Variants in CDH11 observed in about 807,000 individuals in gnomAD.
The protein encoded by CDH11 is cadherin 11.
In CDH11, 11 loss-of-function variants were observed where a neutral mutation model predicts 67.8. That is an observed-to-expected ratio of 0.16 (90% CI 0.10 to 0.27). The LOEUF is 0.27. Among genes scored for constraint, CDH11 ranks in the 10% least tolerant of loss-of-function variants. The pLI, the probability that CDH11 is intolerant of heterozygous loss-of-function variation, is 1.00. For synonymous variants in CDH11, 419 were observed against 400.0 expected (o/e 1.05, Z -0.57); for missense variants, 847 against 1,031.2 (o/e 0.82, Z 2.45).
chr16:64,987,254 T>C (rs35201), intron 7 of CDH11: 109,432 of 152,016 alleles, frequency 0.72, 41,645 homozygotes, highest in East Asian at 1. Flanking sequence ...ATCTGGCTCT[T>C]CTTTACAAAC....
intron 1 of CDH11, among the ~76,000 whole-genome samples, chr16:65,109,181 A>T (rs1326382207): frequency 2.0e-5 from 3 of 152,064 alleles, no homozygotes; most frequent in African/African-American, 7.2e-5. Flanking sequence ...TGGCTCCAAG[A>T]GTTCTGTTCA....
intron 2 of CDH11, among the ~76,000 whole-genome samples, chr16:65,014,458 G>A (rs1014417000): frequency 2.0e-5 from 3 of 152,112 alleles, no homozygotes; most frequent in Middle Eastern, 3.4e-3. Context: ...CTTCAAAACC[G>A]AATGTACATT....
Position 64,945,318 on chromosome 16 carries a change from A to T in CDH11, c.*2285T>A. ...ATAAAAGGTAAAAAAAAAAAAAAAA[A>T]AGAAAAAGAAAAACAAGTATTCTTA... On this transcript the variant is annotated 3_prime_UTR_variant, in exon 13 of 13. Coordinates refer to ENST00000268603, the MANE Select transcript of CDH11 (RefSeq NM_001797.4). 6 of 419,316 alleles carry T rather than the reference A, an allele frequency of 1.4e-5. No homozygotes were observed. Among genetic ancestry groups the T allele is most frequent in the Non-Finnish European group, 1.8e-5 (6 of 325,892 alleles). The allele number at this position is 419,316 out of a possible 1,614,324, so 26.0% of individuals were successfully genotyped here.
intron 2 of CDH11, among the ~76,000 whole-genome samples, chr16:65,053,582 C>T (rs1443866588): frequency 1.3e-5 from 2 of 152,168 alleles, no homozygotes; most frequent in Non-Finnish European, 2.9e-5. Context: ...ATTACTAGCA[C>T]ATAATAGGTG....
rs747453456 is a variant in CDH11 at position 65,004,841 on chromosome 16, G to A, written c.29C>T (p.Ala10Val). ...GCACAGCATGCCCAGGCACACCAGG[G>A]CGGCTTGTAAACAGTAGTTCTCCTT... is the stretch of plus-strand genomic sequence containing the variant. MKENYCLQA[A>V]LVCLGMLCHS... The change falls in exon 3 of 13, where the codon GCC becomes GTC. Residue 10 changes from alanine to valine, a missense_variant. Physicochemically the swap from Ala to Val is moderately conservative, Grantham distance 64. This residue lies in a region of CDH11 where 235 missense variants were observed against 352.5 expected (regional missense o/e 0.67). Transcript: ENST00000268603. 1.4e-5 allele frequency: 22 copies of A among 1,562,642 alleles called. No homozygotes were observed. Among genetic ancestry groups the A allele is most frequent in the East Asian group, 2.4e-5 (1 of 41,712 alleles).
At chr16:64,972,117 G>C (rs1175960398) in intron 9 of CDH11, 53 bp from the exon 10 acceptor site, 23 of 1,536,006 alleles carry the variant, frequency 1.5e-5, no homozygotes, top group Non-Finnish European at 1.9e-5. Flanking sequence ...AATACACATT[G>C]GTCCAGGCAT....
At chr16:65,070,478 C>T (rs2074397056) in intron 1 of CDH11, among the ~76,000 whole-genome samples, 2 of 152,150 alleles carry the variant, frequency 1.3e-5, no homozygotes, top group South Asian at 2.1e-4. Context: ...GTTTCAGTCT[C>T]CACATCTGCA....
At chr16:65,067,856 A>AAGGGAGGGAGAAAGGAAGGG (rs2074342624) in intron 1 of CDH11, among the ~76,000 whole-genome samples, 1 of 131,334 alleles carries the variant, frequency 7.6e-6, no homozygotes, top group Non-Finnish European at 1.6e-5. Flanking sequence ...GAATTGGAGA[A>AAGGGAGGGAGAAAGGAAGGG]AGGGAGGGAG....
At chr16:65,047,916 G>T (rs2073990396) in intron 2 of CDH11, among the ~76,000 whole-genome samples, 1 of 152,068 alleles carries the variant, frequency 6.6e-6, no homozygotes, top group African/African-American at 2.4e-5. Flanking sequence ...TCCAGCAGAA[G>T]TCAGCCCCTC....
intron 12 of CDH11, 106 bp from the exon 13 acceptor site, chr16:64,948,205 G>T: frequency 7.1e-7 from 1 of 1,400,750 alleles, no homozygotes. Flanking sequence ...TAAATGCTCA[G>T]AACAGGAAAC....
At chr16:65,119,165 T>C (rs1404393227) in intron 1 of CDH11, 1 of 152,180 alleles carries the variant, frequency 6.6e-6, no homozygotes, top group Non-Finnish European at 1.5e-5. Context: ...TGTAATTCTA[T>C]TCAAAGGAGA....
Position 65,121,098 on chromosome 16 carries a change from C to G in CDH11, c.-298+782G>C, listed in dbSNP as rs1278329780. On this transcript the variant is annotated intron_variant, in intron 1 of 12. Coordinates refer to ENST00000268603, the MANE Select transcript of CDH11 (RefSeq NM_001797.4). The surrounding 1 kb of genome is among the most constrained non-coding windows in gnomAD (Gnocchi z 4.1). ...GGGAAGGTGTGGTTCTCAAAGTTAA[C>G]GTTGACCCTGGCAGCTTTCGCCAAT... 6.6e-6 allele frequency among the ~76,000 whole-genome samples: 1 copy of G among 152,078 alleles called. No individual in the cohort carries two copies. The highest frequency in any genetic ancestry group is 1.5e-5 in the Non-Finnish European group (1 of 68,010).
At position 64,987,442 on chromosome 16, in the gene CDH11, T is replaced by C. The variant is rs561854974; in HGVS notation, c.999+715A>G. Reference sequence around the variant, plus strand: ...GTTGAGGTCTCTTTGCCCATTGGGATAACACTACCTACTTCATACTTTTGT... The same window carrying C: ...GTTGAGGTCTCTTTGCCCATTGGGACAACACTACCTACTTCATACTTTTGT... On this transcript the variant is annotated intron_variant, in intron 7 of 12. Transcript: ENST00000268603. 3 of 152,322 alleles carry C rather than the reference T, an allele frequency of 2.0e-5. No individual in the cohort carries two copies. In the East Asian group the frequency reaches 5.8e-4, roughly 29 times the overall value. 9.4% of individuals were successfully genotyped at this position (152,322 alleles called of 1,614,324 possible). A position where few individuals can be genotyped will look rare whatever the true frequency, so the allele number is the denominator to read the frequency against.
chr16:65,020,616 C>T (rs2073404587), intron 2 of CDH11, among the ~76,000 whole-genome samples: 1 of 152,178 alleles, frequency 6.6e-6, no homozygotes, highest in South Asian at 2.1e-4. Context: ...AGGTGTGAGC[C>T]ATGATGCCGA....
At chr16:65,076,433 T>G (rs918946764) in intron 1 of CDH11, among the ~76,000 whole-genome samples, 2 of 152,016 alleles carry the variant, frequency 1.3e-5, no homozygotes, top group Admixed American at 6.6e-5. Flanking sequence ...ATCAATAACC[T>G]CATAGATGTC....
rs139392856 is a variant in CDH11 at position 65,113,321 on chromosome 16, G to A, written c.-298+8559C>T. ...AAAAAAAGACTTTTGTTTATAGATA[G>A]TGAAAAGAGATTGGGTTAAGAGCCT... On this transcript the variant is annotated intron_variant, in intron 1 of 12. Transcript: ENST00000268603. 7.2e-4 allele frequency among the ~76,000 whole-genome samples: 109 copies of A among 151,848 alleles called. 2 individuals carry two copies. The East Asian group carries it at 0.02, about 27-fold the overall frequency.
intron 1 of CDH11, among the ~76,000 whole-genome samples, chr16:65,108,385 A>G (rs4967869): frequency 0.91 from 138,896 of 152,252 alleles, 63,546 homozygotes; most frequent in East Asian, 1. Flanking sequence ...AGCTCTAACT[A>G]CTAAATTGCA....
At chr16:65,101,158 C>T (rs932585092) in intron 1 of CDH11, among the ~76,000 whole-genome samples, 5 of 152,192 alleles carry the variant, frequency 3.3e-5, no homozygotes, top group Admixed American at 3.3e-4. Flanking sequence ...ACCACTTACA[C>T]AAACTTGTTC....
At chr16:64,990,324 CAA>C (rs1251395337) in intron 6 of CDH11, among the ~76,000 whole-genome samples, 1 of 152,176 alleles carries the variant, frequency 6.6e-6, no homozygotes, top group Non-Finnish European at 1.5e-5. Context: ...CCCGGCCAGG[CAA>C]AAGAGTCTTG....
Sources: gnomAD v4.1 joint callset for allele counts (sites outside exome capture counted in the v4.1 genomes callset) on GRCh38, gnomAD v4.1.1 for gene constraint, gnomAD v4.1.1 regional missense constraint, Gnocchi (gnomAD v3.1) non-coding constraint, MANE v1.5 for transcripts, NCBI Gene and HGNC (gene_info 2026-07-23, HGNC 2026-07-21) for gene names.